MICALL2: variants seen among roughly 807,000 people sequenced by gnomAD.
The protein encoded by MICALL2 is MICAL like 2.
MICALL2 carries 111 observed loss-of-function variants against 91.1 expected under a neutral mutation model. That is an observed-to-expected ratio of 1.22 (90% CI 1.04 to 1.43). The LOEUF is 1.43. MICALL2 is among the 40% of genes most tolerant of loss of function. MICALL2 has a pLI of 0.00. For missense variants in MICALL2, 1,556 were observed against 1,236.0 expected, an observed-to-expected ratio of 1.26 and a Z score of -3.88; for synonymous variants, 694 against 525.3, an observed-to-expected ratio of 1.32 and a Z score of -4.39.
chr7:1,446,696 G>T lies in MICALL2; in HGVS notation c.641+17C>A. ...GGGAGGTGCACACTCAGGCGTGCGGGCAGAGGGCAGCCCCACCTGAAGCAG... is the reference window on the plus strand; with the variant it reads ...GGGAGGTGCACACTCAGGCGTGCGGTCAGAGGGCAGCCCCACCTGAAGCAG... On this transcript the variant is annotated intron_variant, in intron 5 of 16. Coordinates refer to ENST00000297508, the MANE Select transcript of MICALL2 (RefSeq NM_182924.4). 1 of 1,559,494 alleles carries T rather than the reference G, an allele frequency of 6.4e-7. No homozygotes were observed. Among genetic ancestry groups the T allele is most frequent in the Non-Finnish European group, 8.7e-7 (1 of 1,148,538 alleles).
rs544248760 is a variant in MICALL2, at chr7:1,434,455, C to T, written c.*141G>A. 9 of 754,612 alleles carry T rather than the reference C, an allele frequency of 1.2e-5. No individual in the cohort carries two copies. Among genetic ancestry groups the T allele is most frequent in the African/African-American group, 5.1e-5 (3 of 58,332 alleles). The allele number at this position is 754,612 out of a possible 1,614,324, so 46.7% of individuals were successfully genotyped here. On this transcript the variant is annotated 3_prime_UTR_variant, in exon 17 of 17. Transcript: ENST00000297508. ...CCTTGTAGGGACAGGAGGCCCTTCC[C>T]GAGTCCAAGTCCGAATGCCGGGTCC... is the stretch of plus-strand genomic sequence containing the variant.
chr7:1,448,574 G>C, intron 3 of MICALL2, 46 bp downstream of exon 3: 1 of 1,607,616 alleles, frequency 6.2e-7, no homozygotes, highest in Non-Finnish European at 8.5e-7. Context: ...GGCCAAGGAT[G>C]GGGGGCCTGG....
At chr7:1,438,683 G>T (rs200595315) in intron 10 of MICALL2, 157 bp downstream of exon 10, 3 of 1,460,538 alleles carry the variant, frequency 2.1e-6, no homozygotes, top group African/African-American at 2.8e-5. Context: ...TATTCATGAG[G>T]GCGGGCCTGG....
chr7:1,453,491 G>C (rs1396626471), intron 1 of MICALL2, among the ~76,000 whole-genome samples: 1 of 152,130 alleles, frequency 6.6e-6, no homozygotes, highest in Admixed American at 6.5e-5. Flanking sequence ...GCAGAACTGC[G>C]GGAGGACACT....
At chr7:1,440,815 G>T in intron 7 of MICALL2, 131 bp from the exon 8 acceptor site, 1 of 733,214 alleles carries the variant, frequency 1.4e-6, no homozygotes, top group Non-Finnish European at 2.3e-6. Context: ...CAGCCAGCCG[G>T]CCGGGGGGCA....
At chr7:1,444,030 C>A (rs1011952484) in intron 6 of MICALL2, among the ~76,000 whole-genome samples, 5 of 151,060 alleles carry the variant, frequency 3.3e-5, no homozygotes, top group Admixed American at 3.3e-4. Context: ...CGACCTGTCC[C>A]CGCGTCCACT....
At chr7:1,453,059 G>A (rs1185273834) in intron 1 of MICALL2, among the ~76,000 whole-genome samples, 2 of 151,740 alleles carry the variant, frequency 1.3e-5, no homozygotes, top group African/African-American at 4.8e-5. Flanking sequence ...GAGCTCAGGG[G>A]CCCGATGCTG....
chr7:1,453,517 C>T (rs1009033475), intron 1 of MICALL2, among the ~76,000 whole-genome samples: 2 of 152,142 alleles, frequency 1.3e-5, no homozygotes, highest in African/African-American at 2.4e-5. Flanking sequence ...TTGTTGAAAC[C>T]GCCCGTTTGG....
In MICALL2 at chr7:1,438,697, A is replaced by G. The variant is rs183608342; in HGVS notation, c.2122+143T>C. ...CTATTCATGAGGGCGGGCCTGGGGC[A>G]CGGGGCTGGGTCCTTCCTCCAGGCT... On this transcript the variant is annotated intron_variant, in intron 10 of 16. Transcript: ENST00000297508. 209 of 1,476,112 alleles carry G rather than the reference A, an allele frequency of 1.4e-4. No individual in the cohort carries two copies. The East Asian group carries it at 4.8e-3, about 34-fold the overall frequency. The allele number at this position is 1,476,112 out of a possible 1,614,324, so 91.4% of individuals were successfully genotyped here.
chr7:1,458,343 C>T (rs574536289), intron 1 of MICALL2, among the ~76,000 whole-genome samples: 5 of 152,360 alleles, frequency 3.3e-5, no homozygotes, highest in African/African-American at 1.2e-4. Flanking sequence ...CAAAAACACA[C>T]TCAGGAGAAC....
rs769468478 is a variant in MICALL2 at position 1,449,570 on chromosome 7, G to A, written c.192+670C>T. 1.2e-4 allele frequency among the ~76,000 whole-genome samples: 19 copies of A among 152,366 alleles called. No homozygotes were observed. In the East Asian group the frequency reaches 2.9e-3, roughly 23 times the overall value. On this transcript the variant is annotated intron_variant, in intron 2 of 16. Coordinates refer to ENST00000297508, the MANE Select transcript of MICALL2 (RefSeq NM_182924.4). ...TAAAGCTTAAGTTCAAATTGTCCCC[G>A]TGCTGAGCAGGGCAGTGCCGGCCGG...
At chr7:1,440,462 G>C (rs1177952998) in intron 8 of MICALL2, 129 bp downstream of exon 8, 2 of 827,598 alleles carry the variant, frequency 2.4e-6, no homozygotes, top group Non-Finnish European at 3.9e-6. Context: ...GGGTGACCTG[G>C]CCTCTGCTAC....
Position 1,448,604 on chromosome 7 carries a change from C to G in MICALL2, c.334+16G>C. 1.2e-6 allele frequency: 2 copies of G among 1,611,614 alleles called. No individual in the cohort carries two copies. ...GCCTGGTCCTGCCTGGCTCGGCGGG[C>G]GCGGCAGGGACTCACTGGGGGAGCG... On this transcript the variant is annotated intron_variant, in intron 3 of 16. Transcript: ENST00000297508.
At position 1,447,697 on chromosome 7, in the gene MICALL2, G is replaced by C. The variant is rs1249781741; in HGVS notation, c.403C>G (p.Pro135Ala). ...SEEEPSGKKA[P>A]VQAAKLPSPA... ...GAGGGCAGCTTGGCCGCCTGGACTG[G>C]AGCCTTCTTCCCTGACGGCTCCTCC... Residue 135 changes from proline (P) to alanine (A), a missense_variant, in exon 4 of 17, where the codon CCA becomes GCA. Pro to Ala is a conservative substitution (Grantham distance 27). Coordinates refer to ENST00000297508, the MANE Select transcript of MICALL2 (RefSeq NM_182924.4). 6.3e-7 allele frequency: 1 copy of C among 1,580,480 alleles called. No individual in the cohort carries two copies. Among genetic ancestry groups the C allele is most frequent in the Non-Finnish European group, 8.6e-7 (1 of 1,164,098 alleles).
chr7:1,440,224 A>G, intron 8 of MICALL2, 139 bp from the exon 9 acceptor site: 1 of 1,025,320 alleles, frequency 9.8e-7, no homozygotes, highest in Non-Finnish European at 1.4e-6. Context: ...CAGCCCACTG[A>G]CTACACCTGC....
Position 1,457,724 on chromosome 7 carries a change from G to A in MICALL2, c.143+1460C>T, listed in dbSNP as rs373492762. Among the ~76,000 whole-genome samples the A allele has an allele frequency of 4.6e-5, 7 of 152,342 alleles. No homozygotes were observed. The East Asian group carries it at 5.8e-4, about 13-fold the overall frequency. ...GACCAGAGGGCCCCAAATCTCCGGC[G>A]ACACCAGTGATCCATGAAGCTGGTG... On this transcript the variant is annotated intron_variant, in intron 1 of 16. Transcript: ENST00000297508.
Position 1,438,209 on chromosome 7 carries a change from G to C in MICALL2, c.2199C>G (p.Asp733Glu). 6.3e-7 allele frequency: 1 copy of C among 1,585,408 alleles called. No homozygotes were observed. Among genetic ancestry groups the C allele is most frequent in the Non-Finnish European group, 8.6e-7 (1 of 1,165,894 alleles). The change falls in exon 12 of 17, where the codon GAC (aspartate) becomes GAG (glutamate). Residue 733 changes from aspartate (D) to glutamate (E), a missense_variant. By Grantham distance (45) the Asp-to-Glu change is conservative (BLOSUM62 2). Coordinates refer to ENST00000297508, the MANE Select transcript of MICALL2 (RefSeq NM_182924.4). ...TCTGTATCTCCTCCGGGGAGAGGTAGTCGGGGTGCAGCTGGGAACGGAGGG... is the reference window on the plus strand; with the variant it reads ...TCTGTATCTCCTCCGGGGAGAGGTACTCGGGGTGCAGCTGGGAACGGAGGG... ...TVTSPVRLHP[D>E]YLSPEEIQRQ...
chr7:1,450,167 C>T (rs949562454), intron 2 of MICALL2, 73 bp downstream of exon 2: 9 of 1,233,046 alleles, frequency 7.3e-6, no homozygotes, highest in South Asian at 2.4e-5. Flanking sequence ...GGGAGTCCCT[C>T]GGTCCCTCGG....
chr7:1,439,144 C>A, intron 9 of MICALL2, 149 bp from the exon 10 acceptor site: 1 of 654,290 alleles, frequency 1.5e-6, no homozygotes, highest in Non-Finnish European at 2.5e-6. Flanking sequence ...GCATCACAAG[C>A]CCTACACCCA....
Sources: gnomAD v4.1 joint callset for allele counts (sites outside exome capture counted in the v4.1 genomes callset) on GRCh38, gnomAD v4.1.1 for gene constraint, MANE v1.5 for transcripts, NCBI Gene and HGNC (gene_info 2026-07-23, HGNC 2026-07-21) for gene names.